Variants in UBE2N observed in about 807,000 individuals in gnomAD.
UBE2N encodes the protein ubiquitin-conjugating enzyme E2 N.
For synonymous variants in UBE2N, 70 were observed against 69.2 expected (o/e 1.01, Z -0.06); for missense variants, 60 against 192.1 (o/e 0.31, Z 4.07).
rs1056213307 is a variant in UBE2N, at chr12:93,406,585, T to C, written c.*3454A>G. 2.6e-5 allele frequency: 4 copies of C among 152,274 alleles called. No homozygotes were observed. Among genetic ancestry groups the C allele is most frequent in the African/African-American group, 4.8e-5 (2 of 41,452 alleles). The allele number at this position is 152,274 out of a possible 1,614,324, so 9.4% of individuals were successfully genotyped here. ...TATCCATGGGTTCCACTTCCGTGGA[T>C]TCAAACAACCAGACAAAATATTCCA... On this transcript the variant is annotated 3_prime_UTR_variant, in exon 4 of 4. Transcript: ENST00000318066.
At chr12:93,416,609 G>C (rs1878218328) in intron 1 of UBE2N, among the ~76,000 whole-genome samples, 1 of 152,104 alleles carries the variant, frequency 6.6e-6, no homozygotes, top group Admixed American at 6.5e-5. Context: ...TGTTAGCCAG[G>C]CAGGTCTCGA....
rs902555972 is a variant in UBE2N, at chr12:93,408,808, G to C, written c.*1231C>G. On this transcript the variant is annotated 3_prime_UTR_variant, in exon 4 of 4. Coordinates refer to ENST00000318066, the MANE Select transcript of UBE2N (RefSeq NM_003348.4). The stretch of plus-strand genomic sequence containing the variant: ...GATGACACACAAGCTAGATAGTTGA[G>C]ATCTGCTCATCAGGTTTATAAGGAA... The C allele has an allele frequency of 3.3e-5, 5 of 152,368 alleles. No homozygotes were observed. The highest frequency in any genetic ancestry group is 1.2e-4 in the African/African-American group (5 of 41,420). 9.4% of individuals were successfully genotyped at this position (152,368 alleles called of 1,614,324 possible).
intron 1 of UBE2N, among the ~76,000 whole-genome samples, chr12:93,432,112 A>G (rs1214538153): frequency 6.6e-6 from 1 of 152,028 alleles, no homozygotes; most frequent in East Asian, 1.9e-4. Context: ...TGCACCTGTA[A>G]TCCCAGCTAC....
chr12:93,419,108 A>G (rs1252906058), intron 1 of UBE2N, among the ~76,000 whole-genome samples: 2 of 152,244 alleles, frequency 1.3e-5, no homozygotes, highest in African/African-American at 2.4e-5. Context: ...CTATACAAAA[A>G]GTAATGTCAG....
rs1877928350 is a variant in UBE2N at position 93,408,385 on chromosome 12, A to T, written c.*1654T>A. 1 of 152,196 alleles carries T rather than the reference A, an allele frequency of 6.6e-6. No homozygotes were observed. The highest frequency in any genetic ancestry group is 1.5e-5 in the Non-Finnish European group (1 of 68,048). The allele number at this position is 152,196 out of a possible 1,614,324, so 9.4% of individuals were successfully genotyped here. ...AAAGCTTTTGTATGTTGAAAATGTA[A>T]TTTTAATAGTTAATTCTTCATCTTA... On this transcript the variant is annotated 3_prime_UTR_variant, in exon 4 of 4. Coordinates refer to ENST00000318066, the MANE Select transcript of UBE2N (RefSeq NM_003348.4).
rs1877983909 is a variant in UBE2N at position 93,409,894 on chromosome 12, T to C, written c.*145A>G. ...TCAGGACAAGACATAGATTTGCTAA[T>C]GTGCATTTAATCACCAAAGGACTGA... On this transcript the variant is annotated 3_prime_UTR_variant, in exon 4 of 4. Coordinates refer to ENST00000318066, the MANE Select transcript of UBE2N (RefSeq NM_003348.4). 2.7e-6 allele frequency: 2 copies of C among 734,528 alleles called. No individual in the cohort carries two copies. Among genetic ancestry groups the C allele is most frequent in the Admixed American group, 2.7e-5 (1 of 36,666 alleles). 45.5% of individuals were successfully genotyped at this position (734,528 alleles called of 1,614,324 possible).
chr12:93,434,790 ACCACTGTT>A (rs1878881450), intron 1 of UBE2N, among the ~76,000 whole-genome samples: 2 of 152,082 alleles, frequency 1.3e-5, no homozygotes, highest in Admixed American at 1.3e-4. Flanking sequence ...GAACTAAAGA[ACCACTGTT>A]CCTAGTCAAA....
At chr12:93,416,298 AG>A (rs1337583756) in intron 1 of UBE2N, among the ~76,000 whole-genome samples, 2 of 152,230 alleles carry the variant, frequency 1.3e-5, no homozygotes, top group Non-Finnish European at 2.9e-5. Context: ...AAAACTGGCT[AG>A]GAAATAAAAT....
intron 1 of UBE2N, among the ~76,000 whole-genome samples, chr12:93,416,898 AG>A (rs1878234800): frequency 6.6e-6 from 1 of 151,558 alleles, no homozygotes; most frequent in African/African-American, 2.4e-5. Flanking sequence ...GAGATCACAT[AG>A]GAAGGCCATA....
chr12:93,440,076 A>T (rs923740975), intron 1 of UBE2N, among the ~76,000 whole-genome samples: 1 of 152,236 alleles, frequency 6.6e-6, no homozygotes, highest in Admixed American at 6.5e-5. Flanking sequence ...CATAATCAAA[A>T]ATAGAAAAAT....
At chr12:93,416,043 C>T (rs945061662) in intron 1 of UBE2N, among the ~76,000 whole-genome samples, 18 of 152,188 alleles carry the variant, frequency 1.2e-4, no homozygotes, top group African/African-American at 3.4e-4. Flanking sequence ...AATAAGCTTT[C>T]GTGTGTAGAA....
rs559003295 is a variant in UBE2N, at chr12:93,408,394, G to A, written c.*1645C>T. 2.0e-5 allele frequency: 3 copies of A among 152,256 alleles called. No individual in the cohort carries two copies. The South Asian group carries it at 6.2e-4, about 32-fold the overall frequency. The allele number at this position is 152,256 out of a possible 1,614,324, so 9.4% of individuals were successfully genotyped here. On this transcript the variant is annotated 3_prime_UTR_variant, in exon 4 of 4. Transcript: ENST00000318066. ...GTATGTTGAAAATGTAATTTTAATA[G>A]TTAATTCTTCATCTTACATAGGAGC...
At chr12:93,411,016 C>T in intron 2 of UBE2N, 37 bp downstream of exon 2, 1 of 1,613,986 alleles carries the variant, frequency 6.2e-7, no homozygotes, top group Non-Finnish European at 8.5e-7. Flanking sequence ...AAGGAGAAAG[C>T]TTAATAATAG....
At chr12:93,432,425 C>T (rs1878797016) in intron 1 of UBE2N, among the ~76,000 whole-genome samples, 1 of 151,278 alleles carries the variant, frequency 6.6e-6, no homozygotes, top group Admixed American at 6.6e-5. Context: ...ACTAAAACCA[C>T]TTTGTCCCTG....
At chr12:93,439,161 T>C (rs1345279575) in intron 1 of UBE2N, among the ~76,000 whole-genome samples, 2 of 152,232 alleles carry the variant, frequency 1.3e-5, no homozygotes, top group Non-Finnish European at 2.9e-5. Flanking sequence ...CTAACACTGA[T>C]GTTATATCAA....
chr12:93,433,932 G>A (rs941644470), intron 1 of UBE2N, among the ~76,000 whole-genome samples: 1 of 152,200 alleles, frequency 6.6e-6, no homozygotes, highest in African/African-American at 2.4e-5. Context: ...TGTACATCAG[G>A]AATCTGGTCA....
intron 1 of UBE2N, among the ~76,000 whole-genome samples, chr12:93,438,321 G>A (rs1878997442): frequency 6.7e-6 from 1 of 148,284 alleles, no homozygotes; most frequent in African/African-American, 2.4e-5. Context: ...TTGTGGGGGA[G>A]GAAAAAGGGA....
At chr12:93,417,454 T>C (rs944907544) in intron 1 of UBE2N, among the ~76,000 whole-genome samples, 20 of 152,212 alleles carry the variant, frequency 1.3e-4, no homozygotes, top group Admixed American at 9.8e-4. Context: ...GATTGGAGTA[T>C]GTACAGTAAA....
intron 1 of UBE2N, among the ~76,000 whole-genome samples, chr12:93,432,476 CA>C (rs1277904471): frequency 0.1 from 10,896 of 109,060 alleles, 1,195 homozygotes; most frequent in African/African-American, 0.3. Context: ...TTAAGAGTCA[CA>C]AAAAAAAAAA....
Sources: allele counts gnomAD v4.1 joint callset (sites outside exome capture counted in the v4.1 genomes callset), GRCh38; gene constraint gnomAD v4.1.1; transcripts MANE v1.5; gene names NCBI Gene and HGNC (gene_info 2026-07-23, HGNC 2026-07-21).